NUFIP2: variants seen among roughly 807,000 people sequenced by gnomAD.
NUFIP2 encodes FMR1-interacting protein NUFIP2.
Under a neutral mutation model 56.9 loss-of-function variants are expected in NUFIP2, and 6 were observed. The observed-to-expected ratio is 0.11, with a 90% CI of 0.06 to 0.21. The LOEUF (loss-of-function observed/expected upper bound fraction) is 0.21, where lower values mean the gene tolerates loss of function less well. NUFIP2 is among the 10% of genes least tolerant of loss of function. The pLI is 1.00. For missense variants in NUFIP2, 828 were observed against 826.8 expected (o/e 1.00, Z -0.02); for synonymous variants, 321 against 298.2 (o/e 1.08, Z -0.79).
At chr17:29,288,961 T>C (rs2069194483) in intron 1 of NUFIP2, among the ~76,000 whole-genome samples, 1 of 151,732 alleles carries the variant, frequency 6.6e-6, no homozygotes, top group South Asian at 2.1e-4. Context: ...CTGGGCAACA[T>C]GGAGAAACCC....
Position 29,286,176 on chromosome 17 carries a change from G to C in NUFIP2, c.1818C>G (p.Thr606=). The C allele has an allele frequency of 1.2e-6, 2 of 1,613,888 alleles. No homozygotes were observed. The highest frequency in any genetic ancestry group is 1.1e-5 in the South Asian group (1 of 91,072). The change falls in exon 2 of 4, where the codon ACC becomes ACG. Residue 606 remains threonine, a synonymous_variant. Transcript: ENST00000225388. The part of the protein sequence containing the change: ...SHIGDLQKAD[T]SSQGALVFLS... ...GAAACACTAAAGCACCTTGACTACT[G>C]GTGTCTGCTTTCTGCAGGTCACCTA...
At chr17:29,285,524 G>C (rs1567680893) in intron 2 of NUFIP2, among the ~76,000 whole-genome samples, 1 of 125,094 alleles carries the variant, frequency 8.0e-6, no homozygotes, top group Non-Finnish European at 1.8e-5. Context: ...CTGGGAGGTG[G>C]AGGTTGCAGT....
At position 29,263,246 on chromosome 17, in the gene NUFIP2, G is replaced by C. The variant is rs1370418070; in HGVS notation, c.*1293C>G. The C allele has an allele frequency of 1.2e-4, 18 of 152,536 alleles. No homozygotes were observed. The highest frequency in any genetic ancestry group is 1.0e-3 in the Admixed American group (16 of 15,260). The allele number at this position is 152,536 out of a possible 1,614,324, so 9.4% of individuals were successfully genotyped here. ...TAGCATGCTATACACAAGCTGCAGTGCAACAGGATGGCAATGTAATGATAA... is the reference window on the plus strand; with the variant it reads ...TAGCATGCTATACACAAGCTGCAGTCCAACAGGATGGCAATGTAATGATAA... On this transcript the variant is annotated 3_prime_UTR_variant, in exon 4 of 4. Coordinates refer to ENST00000225388, the MANE Select transcript of NUFIP2 (RefSeq NM_020772.3).
chr17:29,267,504 T>C lies in NUFIP2; in HGVS notation c.2029A>G (p.Lys677Glu). 1 of 1,530,190 alleles carries C rather than the reference T, an allele frequency of 6.5e-7. No homozygotes were observed. The highest frequency in any genetic ancestry group is 9.0e-7 in the Non-Finnish European group (1 of 1,114,952). The allele number at this position is 1,530,190 out of a possible 1,614,324, so 94.8% of individuals were successfully genotyped here. Residue 677 changes from lysine to glutamate, a missense_variant, in exon 3 of 4, where the codon AAG becomes GAG. Lys to Glu is a moderately conservative substitution (Grantham distance 56, BLOSUM62 1). Around this residue, in one of 3 missense-constraint regions of NUFIP2, gnomAD observed 404 missense variants for 380.3 expected, o/e 1.06. Coordinates refer to ENST00000225388, the MANE Select transcript of NUFIP2 (RefSeq NM_020772.3). ...GTAATCTAATCATTCTTACCTTGCT[T>C]CTGCAAATTCCAAATAGATTCCATT... ...KEMESIWNLQ[K>E]QDPKRIITYN...
chr17:29,285,959 TA>T, intron 2 of NUFIP2, 32 bp downstream of exon 2: 2 of 1,533,950 alleles, frequency 1.3e-6, no homozygotes, highest in South Asian at 2.4e-5. Flanking sequence ...AATTGGCCAA[TA>T]AAAATCTTTG....
Position 29,257,966 on chromosome 17 carries a change from A to G in NUFIP2, c.*6573T>C, listed in dbSNP as rs1236739063. 6.6e-6 allele frequency: 1 copy of G among 152,182 alleles called. No homozygotes were observed. Among genetic ancestry groups the G allele is most frequent in the African/African-American group, 2.4e-5 (1 of 41,444 alleles). 9.4% of individuals were successfully genotyped at this position (152,182 alleles called of 1,614,324 possible). On this transcript the variant is annotated 3_prime_UTR_variant, in exon 4 of 4. Coordinates refer to ENST00000225388, the MANE Select transcript of NUFIP2 (RefSeq NM_020772.3). ...GCAAGATCTGTAACTTTAAACAGAGAGCACCAGTTGGGCAATAGAATGAGC... is the reference window on the plus strand; with the variant it reads ...GCAAGATCTGTAACTTTAAACAGAGGGCACCAGTTGGGCAATAGAATGAGC...
At chr17:29,283,289 T>C (rs2069151171) in intron 2 of NUFIP2, among the ~76,000 whole-genome samples, 1 of 152,148 alleles carries the variant, frequency 6.6e-6, no homozygotes, top group Non-Finnish European at 1.5e-5. Flanking sequence ...CTAATAGAAA[T>C]TGTACATAAG....
Position 29,264,515 on chromosome 17 carries a change from G to T in NUFIP2, c.*24C>A. The T allele has an allele frequency of 6.4e-7, 1 of 1,574,052 alleles. No homozygotes were observed. The highest frequency in any genetic ancestry group is 1.3e-5 in the African/African-American group (1 of 74,106). The stretch of plus-strand genomic sequence containing the variant: ...ACGATGGCTCTAATGCTGCAGAAAG[G>T]TTACGAATAGGCAGTCTGGTCCTTC... On this transcript the variant is annotated 3_prime_UTR_variant, in exon 4 of 4. Transcript: ENST00000225388.
intron 2 of NUFIP2, among the ~76,000 whole-genome samples, chr17:29,277,894 T>A (rs1598432733): frequency 6.6e-6 from 1 of 151,838 alleles, no homozygotes; most frequent in Admixed American, 6.6e-5. Context: ...AAGCCTATAA[T>A]CCCAGCTACT....
chr17:29,273,672 T>C (rs2069090219), intron 2 of NUFIP2, among the ~76,000 whole-genome samples: 1 of 152,172 alleles, frequency 6.6e-6, no homozygotes, highest in African/African-American at 2.4e-5. Context: ...TATACCCAAG[T>C]AGGCAATTAG....
chr17:29,267,481 A>C lies in NUFIP2; in HGVS notation c.2035+17T>G, dbSNP rs762541171. 6 of 1,426,704 alleles carry C rather than the reference A, an allele frequency of 4.2e-6. No individual in the cohort carries two copies. The highest frequency in any genetic ancestry group is 3.8e-5 in the Admixed American group (2 of 53,158). 88.4% of individuals were successfully genotyped at this position (1,426,704 alleles called of 1,614,324 possible). A position where few individuals can be genotyped will look rare whatever the true frequency, so the allele number is the denominator to read the frequency against. On this transcript the variant is annotated intron_variant, in intron 3 of 3. Transcript: ENST00000225388. ...GTTACTTATTAGTGACATTTTAAGT[A>C]ATCTAATCATTCTTACCTTGCTTCT...
intron 2 of NUFIP2, among the ~76,000 whole-genome samples, chr17:29,268,317 T>TA (rs1315162452): frequency 6.6e-6 from 1 of 152,180 alleles, no homozygotes; most frequent in Non-Finnish European, 1.5e-5. Context: ...GATAAAATAA[T>TA]ACTTCTCATA....
At chr17:29,290,146 A>G (rs891555835) in intron 1 of NUFIP2, among the ~76,000 whole-genome samples, 2 of 151,958 alleles carry the variant, frequency 1.3e-5, no homozygotes, top group African/African-American at 4.8e-5. Flanking sequence ...GGGCCTCCCA[A>G]AGTGCTGGGA....
intron 2 of NUFIP2, among the ~76,000 whole-genome samples, chr17:29,275,861 C>T (rs993423655): frequency 6.6e-6 from 1 of 151,884 alleles, no homozygotes; most frequent in Non-Finnish European, 1.5e-5. Flanking sequence ...AACCCCGTCT[C>T]TACTAAAAAT....
At chr17:29,272,238 TTC>T (rs2069078838) in intron 2 of NUFIP2, among the ~76,000 whole-genome samples, 1 of 149,522 alleles carries the variant, frequency 6.7e-6, no homozygotes, top group Middle Eastern at 3.3e-3. Context: ...ATGAAATGTG[TTC>T]TTTTTTTTTT....
intron 1 of NUFIP2, among the ~76,000 whole-genome samples, chr17:29,291,132 ATT>A (rs2069210823): frequency 2.0e-5 from 3 of 152,018 alleles, no homozygotes; most frequent in Admixed American, 1.3e-4. Context: ...CTGGAAAGAA[ATT>A]TTCTTTTTAA....
rs768019365 is a variant in NUFIP2 at position 29,264,534 on chromosome 17, G to C, written c.*5C>G. 1 of 1,602,164 alleles carries C rather than the reference G, an allele frequency of 6.2e-7. No individual in the cohort carries two copies. Among genetic ancestry groups the C allele is most frequent in the African/African-American group, 1.3e-5 (1 of 74,594 alleles). On this transcript the variant is annotated 3_prime_UTR_variant, in exon 4 of 4. Transcript: ENST00000225388. ...AGAAAGGTTACGAATAGGCAGTCTG[G>C]TCCTTCATTGATCTGGACTATCCAT...
intron 1 of NUFIP2, among the ~76,000 whole-genome samples, chr17:29,290,880 G>C (rs1314122234): frequency 6.6e-6 from 1 of 151,656 alleles, no homozygotes; most frequent in Non-Finnish European, 1.5e-5. Flanking sequence ...ATCTGAAATA[G>C]CAAAAAATCC....
rs1399517795 is a variant in NUFIP2 at position 29,258,803 on chromosome 17, A to G, written c.*5736T>C. 1 of 152,212 alleles carries G rather than the reference A, an allele frequency of 6.6e-6. No homozygotes were observed. Among genetic ancestry groups the G allele is most frequent in the Non-Finnish European group, 1.5e-5 (1 of 68,034 alleles). 9.4% of individuals were successfully genotyped at this position (152,212 alleles called of 1,614,324 possible). A position where few individuals can be genotyped will look rare whatever the true frequency, so the allele number is the denominator to read the frequency against. On this transcript the variant is annotated 3_prime_UTR_variant, in exon 4 of 4. Coordinates refer to ENST00000225388, the MANE Select transcript of NUFIP2 (RefSeq NM_020772.3). ...AAGCAACCTATGGTATATGTATGGTATATAGTAATGTAAAAAGTGCATCAC... is the reference window on the plus strand; with the variant it reads ...AAGCAACCTATGGTATATGTATGGTGTATAGTAATGTAAAAAGTGCATCAC...
Sources: allele counts gnomAD v4.1 joint callset (sites outside exome capture counted in the v4.1 genomes callset), GRCh38; gene constraint gnomAD v4.1.1; regional missense constraint gnomAD v4.1.1; transcripts MANE v1.5; gene names NCBI Gene and HGNC (gene_info 2026-07-23, HGNC 2026-07-21).